Variants in RPS6KA2 observed in about 807,000 individuals in gnomAD.
The protein encoded by RPS6KA2 is ribosomal protein S6 kinase alpha-2.
RPS6KA2 carries 42 observed loss-of-function variants against 91.8 expected under a neutral mutation model. The ratio of observed to expected loss-of-function variants is 0.46; its 90% CI spans 0.36 to 0.59. The LOEUF (loss-of-function observed/expected upper bound fraction) is 0.59. RPS6KA2 is among the 20% of genes least tolerant of loss of function. The pLI is 0.00. For missense variants in RPS6KA2, 798 were observed against 978.5 expected (o/e 0.82, Z 2.46); for synonymous variants, 414 against 393.6 (o/e 1.05, Z -0.61).
intron 2 of RPS6KA2, among the ~76,000 whole-genome samples, chr6:166,664,219 C>T (rs1056736070): frequency 2.6e-5 from 4 of 152,214 alleles, no homozygotes; most frequent in African/African-American, 9.6e-5. Flanking sequence ...GTTTCTGTTT[C>T]CATTTCCATT....
At chr6:166,455,687 G>C (rs1780080318) in intron 12 of RPS6KA2, among the ~76,000 whole-genome samples, 1 of 152,216 alleles carries the variant, frequency 6.6e-6, no homozygotes, top group Admixed American at 6.5e-5. Flanking sequence ...TTTCTGAGCG[G>C]CTCTGCTTCG....
At chr6:166,480,080 G>T (rs955126615) in intron 10 of RPS6KA2, among the ~76,000 whole-genome samples, 1 of 152,084 alleles carries the variant, frequency 6.6e-6, no homozygotes, top group East Asian at 1.9e-4. Flanking sequence ...TATATTATTT[G>T]AGGTGGAATT....
At chr6:166,556,094 C>T (rs1477280154) in intron 1 of RPS6KA2, among the ~76,000 whole-genome samples, 1 of 152,216 alleles carries the variant, frequency 6.6e-6, no homozygotes, top group Admixed American at 6.5e-5. Context: ...TCCATATGCA[C>T]TTATCTGGAG....
At chr6:166,624,046 GA>G (rs1300159968) in intron 1 of RPS6KA2, among the ~76,000 whole-genome samples, 2 of 149,906 alleles carry the variant, frequency 1.3e-5, no homozygotes, top group African/African-American at 2.5e-5. Context: ...TAAAAGAGAG[GA>G]AAAAAAAGAA....
intron 1 of RPS6KA2, among the ~76,000 whole-genome samples, chr6:166,558,532 A>C (rs907448571): frequency 3.3e-5 from 5 of 152,204 alleles, no homozygotes; most frequent in African/African-American, 4.8e-5. Flanking sequence ...ATTAATCTGC[A>C]TCCCAAGCAG....
chr6:166,563,868 T>C lies in RPS6KA2; in HGVS notation c.100-25084A>G, dbSNP rs911186578. Among the ~76,000 whole-genome samples, 2 of 152,192 alleles carry C rather than the reference T, an allele frequency of 1.3e-5. No individual in the cohort carries two copies. Among genetic ancestry groups the C allele is most frequent in the Non-Finnish European group, 2.9e-5 (2 of 68,028 alleles). ...CTCATGTTTGCCATCCATTTACAAA[T>C]GAGCTTTACCTATTTGTAAATTACG... On this transcript the variant is annotated intron_variant, in intron 1 of 20. Transcript: ENST00000265678. This position sits in a 1 kb window ranked among gnomAD's most constrained non-coding sequence, Gnocchi z 4.1.
intron 2 of RPS6KA2, among the ~76,000 whole-genome samples, chr6:166,774,339 C>G (rs1306969807): frequency 6.6e-6 from 1 of 152,204 alleles, no homozygotes; most frequent in African/African-American, 2.4e-5. Context: ...GACTCGATAT[C>G]AGCTATGAAT....
In RPS6KA2 at chr6:166,716,256, G is replaced by A. The variant is rs147275287; in HGVS notation, c.123+141944C>T. On this transcript the variant is annotated intron_variant, in intron 2 of 21. Coordinates refer to the RPS6KA2 transcript ENST00000503859. ...CAAGCCTCTAAATAAAGACCAAACC[G>A]CTTCTAATATTGAACATGGAAATAA... 3.1e-3 allele frequency among the ~76,000 whole-genome samples: 479 copies of A among 152,154 alleles called. 3 individuals carry two copies. Among genetic ancestry groups the A allele is most frequent in the Non-Finnish European group, 4.7e-3 (323 of 68,016 alleles).
intron 10 of RPS6KA2, among the ~76,000 whole-genome samples, chr6:166,486,458 G>C (rs1173365046): frequency 6.6e-6 from 1 of 152,226 alleles, no homozygotes; most frequent in Admixed American, 6.5e-5. Flanking sequence ...CTTCAGCTTT[G>C]TCCACAGCAC....
intron 1 of RPS6KA2, among the ~76,000 whole-genome samples, chr6:166,620,829 C>G (rs1038861893): frequency 1.3e-5 from 2 of 152,210 alleles, no homozygotes; most frequent in African/African-American, 4.8e-5. Flanking sequence ...GAGACAGGTG[C>G]TCAGAAGGAT....
At chr6:166,449,723 T>G (rs1338051190) in intron 13 of RPS6KA2, among the ~76,000 whole-genome samples, 1 of 151,884 alleles carries the variant, frequency 6.6e-6, no homozygotes, top group African/African-American at 2.4e-5. Flanking sequence ...GAATGCCAAG[T>G]AGGGTAGGAG....
At chr6:166,853,492 C>A (rs1780800978) in intron 2 of RPS6KA2, among the ~76,000 whole-genome samples, 1 of 152,228 alleles carries the variant, frequency 6.6e-6, no homozygotes, top group South Asian at 2.1e-4. Flanking sequence ...CCTCTCCTGG[C>A]CCAAAGCCAT....
chr6:166,803,743 C>T (rs1022096564), intron 2 of RPS6KA2, among the ~76,000 whole-genome samples: 12 of 152,036 alleles, frequency 7.9e-5, no homozygotes, highest in African/African-American at 2.4e-4. Flanking sequence ...CGCCATGGAG[C>T]GAAAGACTGG....
At chr6:166,741,597 G>C (rs972554318) in intron 2 of RPS6KA2, among the ~76,000 whole-genome samples, 1 of 152,266 alleles carries the variant, frequency 6.6e-6, no homozygotes, top group African/African-American at 2.4e-5. Flanking sequence ...GTGTCCTTTA[G>C]TACTGTGCTG....
intron 2 of RPS6KA2, among the ~76,000 whole-genome samples, chr6:166,632,698 A>G (rs182466860): frequency 6.6e-6 from 1 of 152,350 alleles, no homozygotes; most frequent in African/African-American, 2.4e-5. Flanking sequence ...ACATACAGAA[A>G]TCAACAGCAA....
intron 2 of RPS6KA2, among the ~76,000 whole-genome samples, chr6:166,796,771 C>A (rs780701122): frequency 6.6e-6 from 1 of 152,172 alleles, no homozygotes; most frequent in Non-Finnish European, 1.5e-5. Context: ...CCTGAGTGCA[C>A]GCACGTGGCA....
At chr6:166,452,553 C>T (rs1325050300) in intron 12 of RPS6KA2, among the ~76,000 whole-genome samples, 1 of 152,096 alleles carries the variant, frequency 6.6e-6, no homozygotes, top group Non-Finnish European at 1.5e-5. Context: ...GAACTAGAAG[C>T]ATCACATTAC....
intron 2 of RPS6KA2, among the ~76,000 whole-genome samples, chr6:166,789,087 G>A (rs1396647716): frequency 6.6e-6 from 1 of 152,196 alleles, no homozygotes; most frequent in African/African-American, 2.4e-5. Flanking sequence ...AGTGCAAGGG[G>A]TCAGGGAGTT....
chr6:166,817,641 T>G (rs1357491137), intron 2 of RPS6KA2, among the ~76,000 whole-genome samples: 2 of 152,204 alleles, frequency 1.3e-5, no homozygotes, highest in Admixed American at 1.3e-4. Context: ...GTTCCCCAGT[T>G]GTTACAATTG....
Sources: gnomAD v4.1 joint callset for allele counts (sites outside exome capture counted in the v4.1 genomes callset) on GRCh38, gnomAD v4.1.1 for gene constraint, Gnocchi (gnomAD v3.1) non-coding constraint, MANE v1.5 for transcripts, NCBI Gene and HGNC (gene_info 2026-07-23, HGNC 2026-07-21) for gene names.